Variants in LRRC20 observed in about 807,000 individuals in gnomAD.
LRRC20 encodes the protein leucine-rich repeat-containing protein 20.
LRRC20 carries 11 observed loss-of-function variants against 14.4 expected under a neutral mutation model. The ratio of observed to expected loss-of-function variants is 0.77; its 90% CI spans 0.48 to 1.27. LRRC20 has a LOEUF of 1.27. Ranked by LOEUF, LRRC20 falls within the 50% of genes most tolerant of loss-of-function variation. LRRC20 has a pLI of 0.00. For missense variants in LRRC20, 219 were observed against 251.2 expected (o/e 0.87, Z 0.87); for synonymous variants, 121 against 107.3 (o/e 1.13, Z -0.79).
intron 2 of LRRC20, among the ~76,000 whole-genome samples, chr10:70,355,635 G>A (rs1843490996): frequency 6.6e-6 from 1 of 152,112 alleles, no homozygotes; most frequent in Non-Finnish European, 1.5e-5. Context: ...CCTATTTCAT[G>A]GACTTGTATA....
At chr10:70,316,818 G>A (rs1186036832) in intron 4 of LRRC20, among the ~76,000 whole-genome samples, 4 of 152,214 alleles carry the variant, frequency 2.6e-5, no homozygotes, top group African/African-American at 4.8e-5. Context: ...TAACACAATC[G>A]ATGCCTGCAC....
chr10:70,315,478 G>A (rs986757437), intron 4 of LRRC20, among the ~76,000 whole-genome samples: 1 of 152,202 alleles, frequency 6.6e-6, no homozygotes, highest in African/African-American at 2.4e-5. Context: ...CTGACCTTGT[G>A]TATCCCAGTT....
intron 2 of LRRC20, among the ~76,000 whole-genome samples, chr10:70,358,093 C>T (rs1843597195): frequency 6.6e-6 from 1 of 152,236 alleles, no homozygotes; most frequent in Non-Finnish European, 1.5e-5. Flanking sequence ...TTGAGAACAT[C>T]GCCCTACAGA....
intron 2 of LRRC20, among the ~76,000 whole-genome samples, chr10:70,367,966 T>TGTTA (rs1844086771): frequency 2.2e-5 from 3 of 134,480 alleles, no homozygotes; most frequent in African/African-American, 5.7e-5. Flanking sequence ...GCCTATGTTA[T>TGTTA]GTTATGTTAT....
chr10:70,311,396 A>G (rs762994662), intron 4 of LRRC20, among the ~76,000 whole-genome samples: 2 of 151,788 alleles, frequency 1.3e-5, no homozygotes, highest in Admixed American at 6.6e-5. Flanking sequence ...TAATTTTTGC[A>G]TTTTTAGTAG....
chr10:70,317,664 C>T (rs1841915512), intron 4 of LRRC20, among the ~76,000 whole-genome samples: 1 of 152,182 alleles, frequency 6.6e-6, no homozygotes, highest in Admixed American at 6.5e-5. Context: ...CAGGCGTGAG[C>T]CCCCAGGTCC....
intron 1 of LRRC20, among the ~76,000 whole-genome samples, chr10:70,377,841 A>G (rs1226544937): frequency 6.6e-6 from 1 of 152,224 alleles, no homozygotes; most frequent in Non-Finnish European, 1.5e-5. Flanking sequence ...GTGCATTTCC[A>G]CTAAAGAGGC....
rs140396765 is a variant in LRRC20 at position 70,375,209 on chromosome 10, C to T, written c.82+1243G>A. ...CTCCAACACCAATGACAATCTTCAG[C>T]GAGCCTGCTGATAGAGGAAATGCCT... is the stretch of plus-strand genomic sequence containing the variant. On this transcript the variant is annotated intron_variant, in intron 2 of 4. Transcript: ENST00000446961. Among the ~76,000 whole-genome samples, 910 of 152,286 alleles carry T rather than the reference C, an allele frequency of 6.0e-3. 9 individuals carry two copies. Among genetic ancestry groups the T allele is most frequent in the African/African-American group, 0.021 (854 of 41,562 alleles).
chr10:70,370,220 C>T (rs10762372), intron 2 of LRRC20, among the ~76,000 whole-genome samples: 111,365 of 152,064 alleles, frequency 0.73, 40,995 homozygotes, highest in Non-Finnish European at 0.77. Context: ...CAGAAGCCCT[C>T]AGGGCTGAGA....
At chr10:70,352,970 T>C (rs1216955478) in intron 2 of LRRC20, among the ~76,000 whole-genome samples, 1 of 152,100 alleles carries the variant, frequency 6.6e-6, no homozygotes, top group Admixed American at 6.5e-5. Context: ...GGCAAAAACA[T>C]CCCCAGAAAC....
rs573811174 is a variant in LRRC20, at chr10:70,376,607, C to T, written c.-63-11G>A. On this transcript the variant is annotated splice_polypyrimidine_tract_variant and intron_variant, in intron 1 of 4. Coordinates refer to ENST00000446961, the MANE Select transcript of LRRC20 (RefSeq NM_001278212.2). ...CAAAAGGGCCTGAGCCTGGGGAAGA[C>T]GCAGTGCCATGAAGTGCCCGCCTGC... The T allele has an allele frequency of 2.5e-5, 37 of 1,461,962 alleles. No homozygotes were observed. Among genetic ancestry groups the T allele is most frequent in the African/African-American group, 2.1e-4 (15 of 72,150 alleles). 90.6% of individuals were successfully genotyped at this position (1,461,962 alleles called of 1,614,324 possible). A position where few individuals can be genotyped will look rare whatever the true frequency, so the allele number is the denominator to read the frequency against.
At chr10:70,336,807 G>A (rs963772944) in intron 3 of LRRC20, among the ~76,000 whole-genome samples, 1 of 152,174 alleles carries the variant, frequency 6.6e-6, no homozygotes, top group Non-Finnish European at 1.5e-5. Flanking sequence ...TGCCATAGGT[G>A]TGTCTCCTAC....
intron 4 of LRRC20, among the ~76,000 whole-genome samples, chr10:70,302,989 C>T (rs1443774292): frequency 2.0e-5 from 3 of 151,082 alleles, no homozygotes; most frequent in African/African-American, 7.3e-5. Context: ...GGATTACAGG[C>T]GTGAGCCACT....
At chr10:70,343,514 A>G (rs1266539967) in intron 2 of LRRC20, among the ~76,000 whole-genome samples, 4 of 152,200 alleles carry the variant, frequency 2.6e-5, no homozygotes, top group Non-Finnish European at 4.4e-5. Flanking sequence ...CAGCTCTTCT[A>G]TCAGCAGGTG....
Position 70,373,120 on chromosome 10 carries a change from A to G in LRRC20, c.82+3332T>C, listed in dbSNP as rs929883794. Among the ~76,000 whole-genome samples, 8 of 142,732 alleles carry G rather than the reference A, an allele frequency of 5.6e-5. No homozygotes were observed. The East Asian group carries it at 1.0e-3, about 19-fold the overall frequency. The allele number at this position is 142,732 out of a possible 152,430, so 93.6% of individuals were successfully genotyped here. ...AGATGACTCCATCTCAAAAAAAAAA[A>G]GCATTGTATAGCTGTAACCAAATTT... On this transcript the variant is annotated intron_variant, in intron 2 of 4. Transcript: ENST00000446961.
At chr10:70,333,977 C>T (rs917862279) in intron 3 of LRRC20, among the ~76,000 whole-genome samples, 1 of 152,134 alleles carries the variant, frequency 6.6e-6, no homozygotes, top group African/African-American at 2.4e-5. Context: ...TGGTTAAATC[C>T]TGTCTCTACT....
chr10:70,362,338 T>C (rs1166510343), intron 2 of LRRC20, among the ~76,000 whole-genome samples: 4 of 152,258 alleles, frequency 2.6e-5, no homozygotes, highest in African/African-American at 9.6e-5. Flanking sequence ...TAGTCTGGGC[T>C]GTAAAGATGA....
intron 3 of LRRC20, among the ~76,000 whole-genome samples, chr10:70,332,143 G>A (rs544247852): frequency 1.3e-5 from 2 of 152,308 alleles, no homozygotes; most frequent in East Asian, 1.9e-4. Flanking sequence ...AGAGTCAGAC[G>A]GTCAGGTGGG....
At chr10:70,354,393 A>G (rs549706382) in intron 2 of LRRC20, among the ~76,000 whole-genome samples, 17 of 152,144 alleles carry the variant, frequency 1.1e-4, no homozygotes, top group Admixed American at 3.3e-4. Context: ...AGCAGGTCCA[A>G]GGACCACACT....
Sources: gnomAD v4.1 joint callset for allele counts (sites outside exome capture counted in the v4.1 genomes callset) on GRCh38, gnomAD v4.1.1 for gene constraint, MANE v1.5 for transcripts, NCBI Gene and HGNC (gene_info 2026-07-23, HGNC 2026-07-21) for gene names.